FAM169A: variants seen among roughly 807,000 people sequenced by gnomAD.
FAM169A encodes the protein soluble lamin-associated protein of 75 kDa.
In FAM169A, 24 loss-of-function variants were observed where a neutral mutation model predicts 75.7. That is an observed-to-expected ratio of 0.32 (90% CI 0.23 to 0.45). The LOEUF is 0.45. Ranked by LOEUF, FAM169A falls within the 20% of genes least tolerant of loss-of-function variation. The probability of loss-of-function intolerance (pLI) is 1.00; values close to 1 mark genes in which losing one functional copy is unlikely to be tolerated. For synonymous variants in FAM169A, 271 were observed against 271.0 expected (o/e 1.00, Z 0.00); for missense variants, 673 against 784.0 (o/e 0.86, Z 1.69).
At chr5:74,857,108 CA>C (rs772315121) in intron 1 of FAM169A, among the ~76,000 whole-genome samples, 14,767 of 67,756 alleles carry the variant, frequency 0.22, 918 homozygotes, top group African/African-American at 0.38. Flanking sequence ...GACTCCACCT[CA>C]AAAAAAAAAA....
At chr5:74,787,489 C>A (rs530085493) in intron 11 of FAM169A, among the ~76,000 whole-genome samples, 4 of 152,268 alleles carry the variant, frequency 2.6e-5, no homozygotes, top group African/African-American at 9.6e-5. Context: ...AGAAGATATA[C>A]CCTTGACCGA....
At chr5:74,818,769 A>AGC (rs1243795222) in intron 5 of FAM169A, among the ~76,000 whole-genome samples, 1 of 128,238 alleles carries the variant, frequency 7.8e-6, no homozygotes, top group African/African-American at 3.4e-5. Flanking sequence ...ACGGTTTCAC[A>AGC]GCTCTCTCTC....
At chr5:74,809,878 T>C (rs1561300889) in intron 6 of FAM169A, among the ~76,000 whole-genome samples, 2 of 152,286 alleles carry the variant, frequency 1.3e-5, no homozygotes, top group South Asian at 4.2e-4. Flanking sequence ...CTTCCACATA[T>C]TTATACTAAC....
chr5:74,825,031 T>A (rs928466181), intron 5 of FAM169A, among the ~76,000 whole-genome samples: 4 of 152,158 alleles, frequency 2.6e-5, no homozygotes, highest in Admixed American at 2.0e-4. Context: ...ATTTACATTA[T>A]GACTATATAA....
At chr5:74,839,522 ATTTTTTT>A (rs200682932) in intron 3 of FAM169A, among the ~76,000 whole-genome samples, 7 of 130,810 alleles carry the variant, frequency 5.4e-5, no homozygotes, top group Admixed American at 1.6e-4. Context: ...TCAATTTTTA[ATTTTTTT>A]TTTTTTTTTT....
At position 74,780,490 on chromosome 5, in the gene FAM169A, G is replaced by T. The variant is rs1190689097; in HGVS notation, c.*970C>A. On this transcript the variant is annotated 3_prime_UTR_variant, in exon 13 of 13. Coordinates refer to ENST00000687041, the MANE Select transcript of FAM169A (RefSeq NM_001376049.1). ...TAAATAAGACTGTAGAATTAGGGAG[G>T]TGGCAAGATTTAAGGAGATGCCTTA... 1 of 152,192 alleles carries T rather than the reference G, an allele frequency of 6.6e-6. No homozygotes were observed. Among genetic ancestry groups the T allele is most frequent in the Non-Finnish European group, 1.5e-5 (1 of 68,038 alleles). 9.4% of individuals were successfully genotyped at this position (152,192 alleles called of 1,614,324 possible).
At chr5:74,858,980 A>G (rs112761959) in intron 1 of FAM169A, among the ~76,000 whole-genome samples, 3,651 of 152,164 alleles carry the variant, frequency 0.024, 143 homozygotes, top group African/African-American at 0.084. Flanking sequence ...TTGGGAGGCC[A>G]AGGCATGTGG....
At chr5:74,858,088 CA>C (rs918954047) in intron 1 of FAM169A, among the ~76,000 whole-genome samples, 185 of 143,152 alleles carry the variant, frequency 1.3e-3, no homozygotes, top group Admixed American at 9.8e-4. Context: ...ATACTACAGT[CA>C]AAAAAAAAAA....
At chr5:74,822,424 A>G (rs1414511612) in intron 5 of FAM169A, among the ~76,000 whole-genome samples, 1 of 152,172 alleles carries the variant, frequency 6.6e-6, no homozygotes, top group Admixed American at 6.5e-5. Context: ...ATGAACCACA[A>G]ATATTTTATG....
rs552780225 is a variant in FAM169A, at chr5:74,779,698, A to T, written c.*1762T>A. The T allele has an allele frequency of 2.0e-5, 3 of 152,294 alleles. No homozygotes were observed. In the South Asian group the frequency reaches 6.2e-4, roughly 32 times the overall value. The allele number at this position is 152,294 out of a possible 1,614,324, so 9.4% of individuals were successfully genotyped here. ...GTGCTTTAATTTTCATTTAGAATGA[A>T]ATAATCTGGCTTACCTTTGACTAAT... On this transcript the variant is annotated 3_prime_UTR_variant, in exon 13 of 13. Transcript: ENST00000687041.
At chr5:74,815,317 G>GTA (rs1747414589) in intron 5 of FAM169A, among the ~76,000 whole-genome samples, 1 of 151,752 alleles carries the variant, frequency 6.6e-6, no homozygotes, top group Non-Finnish European at 1.5e-5. Context: ...AGCCTCCCAA[G>GTA]TAGCTGGGAT....
intron 1 of FAM169A, among the ~76,000 whole-genome samples, chr5:74,856,057 G>T (rs1041114583): frequency 1.3e-5 from 2 of 152,184 alleles, no homozygotes; most frequent in Non-Finnish European, 2.9e-5. Context: ...CCCAGTGTAT[G>T]TTCATGTTAC....
intron 1 of FAM169A, among the ~76,000 whole-genome samples, chr5:74,842,142 G>A (rs1406974219): frequency 6.6e-6 from 1 of 150,826 alleles, no homozygotes; most frequent in Non-Finnish European, 1.5e-5. Context: ...AAAAATCACT[G>A]CGGGCACAGT....
chr5:74,796,176 T>C lies in FAM169A; in HGVS notation c.1114A>G (p.Thr372Ala), dbSNP rs747179517. The change falls in exon 11 of 13, where the codon ACT becomes GCT. Residue 372 changes from threonine (T) to alanine (A), a missense_variant. Thr to Ala is a moderately conservative substitution (Grantham distance 58, BLOSUM62 0). Coordinates refer to ENST00000687041, the MANE Select transcript of FAM169A (RefSeq NM_001376049.1). ...TCTGAGCTCTCTGATGGGCGTGCAG[T>C]AGACTCCAATCTAAAAAACAAAAGA... is the stretch of plus-strand genomic sequence containing the variant. ...LTASINKLES[T>A]ARPSESSEEF... 1.2e-6 allele frequency: 2 copies of C among 1,606,108 alleles called. No homozygotes were observed. The highest frequency in any genetic ancestry group is 1.1e-5 in the South Asian group (1 of 88,390).
At chr5:74,799,370 A>G in intron 10 of FAM169A, 1 of 1,612,242 alleles carries the variant, frequency 6.2e-7, no homozygotes, top group Non-Finnish European at 8.5e-7. Context: ...TGTTACTTTG[A>G]GTCTGAAAAT....
intron 1 of FAM169A, among the ~76,000 whole-genome samples, chr5:74,861,976 G>A (rs1750059809): frequency 6.6e-6 from 1 of 152,118 alleles, no homozygotes; most frequent in Admixed American, 6.5e-5. Flanking sequence ...TGGCAACAGA[G>A]CCCTGGTGCC....
At chr5:74,834,656 C>T (rs1199982082) in intron 4 of FAM169A, 59 bp from the exon 5 acceptor site, 8 of 1,324,314 alleles carry the variant, frequency 6.0e-6, no homozygotes, top group African/African-American at 1.5e-5. Context: ...TCACAAGATG[C>T]TATTTACTTT....
At chr5:74,792,869 T>G (rs1280851279) in intron 11 of FAM169A, among the ~76,000 whole-genome samples, 2 of 152,278 alleles carry the variant, frequency 1.3e-5, no homozygotes, top group East Asian at 3.9e-4. Context: ...AAAGTAGAAC[T>G]ACCATTTGAT....
chr5:74,820,952 G>C (rs1422820302), intron 5 of FAM169A, among the ~76,000 whole-genome samples: 1 of 151,998 alleles, frequency 6.6e-6, no homozygotes, highest in South Asian at 2.1e-4. Flanking sequence ...TCTGCCTCAG[G>C]GCTTCTGCAT....
Sources: allele counts gnomAD v4.1 joint callset (sites outside exome capture counted in the v4.1 genomes callset), GRCh38; gene constraint gnomAD v4.1.1; transcripts MANE v1.5; gene names NCBI Gene and HGNC (gene_info 2026-07-23, HGNC 2026-07-21).